MYCBP2: variants seen among roughly 807,000 people sequenced by gnomAD.
MYCBP2 encodes MYC binding protein 2.
A neutral mutation model predicts 525.3 loss-of-function variants in MYCBP2; 120 were observed. The observed-to-expected ratio is 0.23, with a 90% CI of 0.20 to 0.27. MYCBP2 has a LOEUF of 0.27. Ranked by LOEUF, MYCBP2 falls within the 10% of genes least tolerant of loss-of-function variation. MYCBP2 has a pLI of 1.00. For missense variants in MYCBP2, 4,149 were observed against 5,657.1 expected (o/e 0.73, Z 8.55); for synonymous variants, 1,894 against 1,955.8 (o/e 0.97, Z 0.83).
At chr13:77,088,715 G>T in intron 61 of MYCBP2, 117 bp downstream of exon 61, 1 of 790,452 alleles carries the variant, frequency 1.3e-6, no homozygotes, top group Non-Finnish European at 2.0e-6. Flanking sequence ...ACTTTTAATT[G>T]GCTAATGCCT....
At chr13:77,174,542 T>C (rs1186399187) in intron 36 of MYCBP2, 53 bp from the exon 37 acceptor site, 4 of 1,402,108 alleles carry the variant, frequency 2.9e-6, no homozygotes, top group Non-Finnish European at 3.9e-6. Context: ...AGAGGATATA[T>C]AAAAAGAACT....
chr13:77,313,698 T>C (rs1404488574), intron 1 of MYCBP2, among the ~76,000 whole-genome samples: 3 of 152,004 alleles, frequency 2.0e-5, no homozygotes, highest in African/African-American at 7.2e-5. Context: ...AAAGAAAATA[T>C]TTGCAAAAGA....
intron 5 of MYCBP2, among the ~76,000 whole-genome samples, chr13:77,272,990 T>A (rs1025185385): frequency 6.6e-6 from 1 of 152,188 alleles, no homozygotes; most frequent in Non-Finnish European, 1.5e-5. Flanking sequence ...CAACTGAATA[T>A]TAAAAGCCTA....
intron 65 of MYCBP2, chr13:77,080,372 A>G (rs1158746514): frequency 6.6e-6 from 1 of 152,200 alleles, no homozygotes; most frequent in East Asian, 1.9e-4. Flanking sequence ...AAGGAGAGCC[A>G]TTAATACTGT....
chr13:77,193,837 T>C (rs1326121118), intron 27 of MYCBP2, among the ~76,000 whole-genome samples: 1 of 152,128 alleles, frequency 6.6e-6, no homozygotes, highest in Admixed American at 6.5e-5. Flanking sequence ...AACTGTATTA[T>C]TACTAGAACA....
chr13:77,301,333 T>C (rs1426506776), intron 1 of MYCBP2, among the ~76,000 whole-genome samples: 1 of 149,112 alleles, frequency 6.7e-6, no homozygotes, highest in Non-Finnish European at 1.5e-5. Flanking sequence ...GGAGAATCGC[T>C]TGAACCTGGA....
rs61753811 is a variant in MYCBP2 at position 77,180,298 on chromosome 13, C to T, written c.4962G>A (p.Gly1654=). The T allele has an allele frequency of 6.2e-6, 10 of 1,614,006 alleles. No individual in the cohort carries two copies. The highest frequency in any genetic ancestry group is 7.6e-6 in the Non-Finnish European group (9 of 1,180,006). Residue 1654 remains glycine, a synonymous_variant, in exon 34 of 83, where the codon GGG becomes GGA. Coordinates refer to ENST00000544440, the MANE Select transcript of MYCBP2 (RefSeq NM_015057.5). ...KLSQSEENIS[G]MTSFREVLEK... is the part of the protein sequence containing the mutation. ...CCAGAACTTCACGGAAGCTTGTCAT[C>T]CCTGAGATATTCTCTTCACTCTGCG...
At position 77,180,332 on chromosome 13, in the gene MYCBP2, G is replaced by A. The variant is rs774987470; in HGVS notation, c.4942-14C>T. ...ATTCTCTTCACTCTGCGATACATAA[G>A]AAAAAGTTCTAAGGTATTGTTTTAT... is the stretch of plus-strand genomic sequence containing the variant. On this transcript the variant is annotated splice_polypyrimidine_tract_variant and intron_variant, in intron 33 of 82. Coordinates refer to ENST00000544440, the MANE Select transcript of MYCBP2 (RefSeq NM_015057.5). The A allele has an allele frequency of 6.2e-7, 1 of 1,610,110 alleles. No homozygotes were observed. Among genetic ancestry groups the A allele is most frequent in the Admixed American group, 1.7e-5 (1 of 59,412 alleles).
Position 77,245,068 on chromosome 13 carries a change from C to T in MYCBP2, c.2382-1117G>A, listed in dbSNP as rs191047552. ...AACCACAATGAGAAAACATGTCACGCCAGTTACAATGGTGATCATTAAAAA... is the reference window on the plus strand; with the variant it reads ...AACCACAATGAGAAAACATGTCACGTCAGTTACAATGGTGATCATTAAAAA... On this transcript the variant is annotated intron_variant, in intron 15 of 82. Transcript: ENST00000544440. Among the ~76,000 whole-genome samples the T allele has an allele frequency of 6.0e-3, 912 of 152,262 alleles. 14 individuals are homozygous for T. The highest frequency in any genetic ancestry group is 6.5e-3 in the Non-Finnish European group (442 of 68,014).
rs2069839311 is a variant in MYCBP2, at chr13:77,245,889, CAT to C, written c.2382-1940_2382-1939del. On this transcript the variant is annotated intron_variant, in intron 15 of 82. Coordinates refer to ENST00000544440, the MANE Select transcript of MYCBP2 (RefSeq NM_015057.5). ...ACATATATATACACACACACAAACA[CAT>C]ATATGTCTCCTTCCCCCTCTCTTCT... 2.6e-5 allele frequency among the ~76,000 whole-genome samples: 4 copies of C among 151,792 alleles called. No individual in the cohort carries two copies. In the South Asian group the frequency reaches 6.2e-4, roughly 24 times the overall value.
At chr13:77,283,215 T>A in intron 3 of MYCBP2, among the ~76,000 whole-genome samples, 1 of 152,178 alleles carries the variant, frequency 6.6e-6, no homozygotes, top group East Asian at 1.9e-4. Context: ...ATTTACTAAT[T>A]ATGAGATAAC....
chr13:77,224,835 T>A (rs1402987874), intron 19 of MYCBP2, among the ~76,000 whole-genome samples: 1 of 152,170 alleles, frequency 6.6e-6, no homozygotes. Context: ...TTCTTAATAA[T>A]GAGTAACTAC....
At chr13:77,164,392 T>G in intron 43 of MYCBP2, 62 bp downstream of exon 43, 3 of 1,122,474 alleles carry the variant, frequency 2.7e-6, no homozygotes, top group Non-Finnish European at 4.0e-6. Context: ...TTGGCCCTTT[T>G]ATAATACATA....
chr13:77,209,702 G>A (rs999696682), intron 23 of MYCBP2, among the ~76,000 whole-genome samples: 1 of 152,194 alleles, frequency 6.6e-6, no homozygotes, highest in African/African-American at 2.4e-5. Context: ...TGCTGCCAGG[G>A]AGATGTAATT....
intron 52 of MYCBP2, among the ~76,000 whole-genome samples, chr13:77,137,063 C>T (rs937883042): frequency 5.3e-5 from 8 of 152,170 alleles, no homozygotes; most frequent in South Asian, 4.1e-4. Context: ...TAACAACCTC[C>T]GCACTCACAT....
At position 77,294,133 on chromosome 13, in the gene MYCBP2, T is replaced by TATATATAC. The variant is rs1340037718; in HGVS notation, c.378+2465_378+2466insGTATATAT. Reference sequence around the variant, plus strand: ...ATATATATATATATATATATATACATATATATATACATATATATAAAATAT... The same window carrying TATATATAC: ...ATATATATATATATATATATATACATATATATACATATATATACATATATATAAAATAT... On this transcript the variant is annotated intron_variant, in intron 2 of 82. Coordinates refer to ENST00000544440, the MANE Select transcript of MYCBP2 (RefSeq NM_015057.5). Among the ~76,000 whole-genome samples the TATATATAC allele has an allele frequency of 2.0e-4, 25 of 127,264 alleles. 1 individual carries two copies. The highest frequency in any genetic ancestry group is 6.7e-4 in the African/African-American group (24 of 35,572). 83.5% of individuals were successfully genotyped at this position (127,264 alleles called of 152,430 possible).
intron 52 of MYCBP2, among the ~76,000 whole-genome samples, chr13:77,127,708 G>T (rs1339227534): frequency 6.6e-6 from 1 of 151,804 alleles, no homozygotes; most frequent in Non-Finnish European, 1.5e-5. Flanking sequence ...TCATAATGAA[G>T]AGATATGTAT....
intron 32 of MYCBP2, among the ~76,000 whole-genome samples, chr13:77,183,536 T>C (rs1345647169): frequency 7.8e-6 from 1 of 128,132 alleles, no homozygotes; most frequent in African/African-American, 2.8e-5. Context: ...TGATAGTCCC[T>C]ATTTCTTTTT....
intron 55 of MYCBP2, among the ~76,000 whole-genome samples, chr13:77,106,152 G>A (rs894798941): frequency 6.6e-6 from 1 of 152,128 alleles, no homozygotes; most frequent in Non-Finnish European, 1.5e-5. Flanking sequence ...TCAACACCTG[G>A]TGGCAGTACA....
Sources: allele counts gnomAD v4.1 joint callset (sites outside exome capture counted in the v4.1 genomes callset), GRCh38; gene constraint gnomAD v4.1.1; transcripts MANE v1.5; gene names NCBI Gene and HGNC (gene_info 2026-07-23, HGNC 2026-07-21).